Variants in ARL10 observed in about 807,000 individuals in gnomAD.
ARL10 encodes ARF like GTPase 10, also known as ADP-ribosylation factor-like protein 10.
Under a neutral mutation model 26.1 loss-of-function variants are expected in ARL10, and 23 were observed. The observed-to-expected ratio is 0.88, with a 90% CI of 0.63 to 1.25. The LOEUF (loss-of-function observed/expected upper bound fraction) is 1.25. Ranked by LOEUF, ARL10 falls within the 50% of genes most tolerant of loss-of-function variation. The pLI is 0.00. For missense variants in ARL10, 300 were observed against 323.6 expected (o/e 0.93, Z 0.56); for synonymous variants, 138 against 149.1 (o/e 0.93, Z 0.54).
Position 176,377,755 on chromosome 5 carries a change from G to A in ARL10, c.*5860G>A, listed in dbSNP as rs572594681. 2.0e-5 allele frequency: 3 copies of A among 152,224 alleles called. No homozygotes were observed. In the South Asian group the frequency reaches 6.2e-4, roughly 32 times the overall value. 9.4% of individuals were successfully genotyped at this position (152,224 alleles called of 1,614,324 possible). ...TCATCTTGCTCATTTGTGAGGTGCAGAGGTTGTTTTTTGTTTTTTTGTTTT... is the reference window on the plus strand; with the variant it reads ...TCATCTTGCTCATTTGTGAGGTGCAAAGGTTGTTTTTTGTTTTTTTGTTTT... On this transcript the variant is annotated 3_prime_UTR_variant, in exon 4 of 4. Coordinates refer to ENST00000310389, the MANE Select transcript of ARL10 (RefSeq NM_173664.6). The surrounding 1 kb of genome is among the most constrained non-coding windows in gnomAD (Gnocchi z 4.5).
At chr5:176,413,898 C>T in the ARL10 span, among the ~76,000 whole-genome samples, 1 of 152,188 alleles carries the variant, frequency 6.6e-6, no homozygotes, top group Non-Finnish European at 1.5e-5. Flanking sequence ...AAGGCTGTAT[C>T]CCCGGCACCT....
chr5:176,381,377 TTGC>T lies in ARL10; in HGVS notation c.*9485_*9487del, dbSNP rs1228967026. On this transcript the variant is annotated 3_prime_UTR_variant, in exon 4 of 4. Transcript: ENST00000310389. Reference sequence around the variant, plus strand: ...CATGGTCACTCAGTGCTCCTGGAGGTTGCTGAAGTTATACTTTGGATCCTACTT... The same window carrying T: ...CATGGTCACTCAGTGCTCCTGGAGGTTGAAGTTATACTTTGGATCCTACTT... 1 of 152,132 alleles carries T rather than the reference TTGC, an allele frequency of 6.6e-6. No individual in the cohort carries two copies. Among genetic ancestry groups the T allele is most frequent in the African/African-American group, 2.4e-5 (1 of 41,428 alleles). The allele number at this position is 152,132 out of a possible 1,614,324, so 9.4% of individuals were successfully genotyped here. A position where few individuals can be genotyped will look rare whatever the true frequency, so the allele number is the denominator to read the frequency against.
rs759887200 is a variant in ARL10, at chr5:176,376,158, G to C, written c.*4263G>C. ...GGACGGATCACGAGGTCAGGAGATC[G>C]AGACAATCCTGGCTAACACAGTGAA... On this transcript the variant is annotated 3_prime_UTR_variant, in exon 4 of 4. Transcript: ENST00000310389. 1 of 152,126 alleles carries C rather than the reference G, an allele frequency of 6.6e-6. No individual in the cohort carries two copies. Among genetic ancestry groups the C allele is most frequent in the Admixed American group, 6.6e-5 (1 of 15,260 alleles). 9.4% of individuals were successfully genotyped at this position (152,126 alleles called of 1,614,324 possible). A position where few individuals can be genotyped will look rare whatever the true frequency, so the allele number is the denominator to read the frequency against.
rs952963060 is a variant in ARL10, at chr5:176,387,016, G to T, written c.37-1279G>T. ...CTAACCCATAAGAATCCCTGCCCAC[G>T]GTTAGGTAGAAGTAGGTAACAATGA... On this transcript the variant is annotated intron_variant, in intron 1 of 1. Coordinates refer to the ARL10 transcript ENST00000503175. 10 of 937,370 alleles carry T rather than the reference G, an allele frequency of 1.1e-5. No homozygotes were observed. The African/African-American group carries it at 1.3e-4, about 12-fold the overall frequency. The allele number at this position is 937,370 out of a possible 1,614,324, so 58.1% of individuals were successfully genotyped here.
At chr5:176,392,971 T>C, downstream of ARL10, 1 of 1,613,748 alleles carries the variant, frequency 6.2e-7, no homozygotes, top group East Asian at 2.2e-5. The surrounding 1 kb of genome is among the most constrained non-coding windows in gnomAD (Gnocchi z 5.2). Flanking sequence ...GGACGGGCTT[T>C]TATAGCAGTC....
chr5:176,376,959 C>T lies in ARL10; in HGVS notation c.*5064C>T, dbSNP rs1186403372. The T allele has an allele frequency of 6.6e-6, 1 of 152,184 alleles. No individual in the cohort carries two copies. The highest frequency in any genetic ancestry group is 1.5e-5 in the Non-Finnish European group (1 of 68,036). 9.4% of individuals were successfully genotyped at this position (152,184 alleles called of 1,614,324 possible). A position where few individuals can be genotyped will look rare whatever the true frequency, so the allele number is the denominator to read the frequency against. ...AAGGCTTTGATGGTCCTCTGTGGGTCACAGAAAGTTTATTTTATTTTGTCA... is the reference window on the plus strand; with the variant it reads ...AAGGCTTTGATGGTCCTCTGTGGGTTACAGAAAGTTTATTTTATTTTGTCA... On this transcript the variant is annotated 3_prime_UTR_variant, in exon 4 of 4. Coordinates refer to ENST00000310389, the MANE Select transcript of ARL10 (RefSeq NM_173664.6).
intron 1 of ARL10, chr5:176,397,752 C>A: frequency 6.3e-7 from 1 of 1,596,508 alleles, no homozygotes; most frequent in East Asian, 2.2e-5. Flanking sequence ...TGGCTGCTTT[C>A]CAGCTGGGAT....
chr5:176,368,628 C>T lies in ARL10; in HGVS notation c.386-179C>T, dbSNP rs769950478. On this transcript the variant is annotated intron_variant, in intron 2 of 3. Coordinates refer to ENST00000310389, the MANE Select transcript of ARL10 (RefSeq NM_173664.6). The surrounding 1 kb of genome is among the most constrained non-coding windows in gnomAD (Gnocchi z 4.1). ...GAAACTGCGGTCTTTTCCTTGCCCC[C>T]GGCTGGTGGAAGCTCACTAAGCTAG... is the stretch of plus-strand genomic sequence containing the variant. Among the ~76,000 whole-genome samples the T allele has an allele frequency of 1.8e-4, 27 of 151,538 alleles. No homozygotes were observed. The highest frequency in any genetic ancestry group is 4.6e-4 in the African/African-American group (19 of 41,252).
downstream of ARL10, chr5:176,389,571 G>A: frequency 2.0e-6 from 3 of 1,473,902 alleles, no homozygotes; most frequent in South Asian, 2.6e-5. Context: ...CCCTACCGTG[G>A]GACTTACTCC....
At chr5:176,401,677 G>A (rs184713619) in intron 1 of ARL10, 289 of 454,040 alleles carry the variant, frequency 6.4e-4, no homozygotes, top group Non-Finnish European at 1.1e-3. Context: ...TCACTCACTC[G>A]CTCGCCTTGT....
At chr5:176,400,657 TTGTCTCCTGGCGCTTC>T (rs1756772997) in intron 1 of ARL10, among the ~76,000 whole-genome samples, 1 of 152,170 alleles carries the variant, frequency 6.6e-6, no homozygotes, top group Admixed American at 6.5e-5. Context: ...TACCCGGCCT[TTGTCTCCTGGCGCTTC>T]TGTCTCCCCT....
downstream of ARL10, chr5:176,406,215 C>G (rs376642025): frequency 2.7e-3 from 2,744 of 1,000,876 alleles, 10 homozygotes; most frequent in Middle Eastern, 8.6e-3. Context: ...CAGGAGAGAT[C>G]ACCAGCGGCT....
exon 2 of ARL10, chr5:176,388,545 T>G (rs1165596422): frequency 1.4e-5 from 23 of 1,606,646 alleles, no homozygotes; most frequent in Admixed American, 1.7e-5. Context: ...GGCATCGCGC[T>G]GACCACCGCA....
intron 1 of ARL10, chr5:176,397,876 A>ACTCC (rs1756623747): frequency 6.6e-7 from 1 of 1,521,456 alleles, no homozygotes; most frequent in Admixed American, 1.7e-5. Flanking sequence ...GACTCCCCAC[A>ACTCC]CTCCACCCCA....
At chr5:176,398,032 C>T in intron 1 of ARL10, 1 of 1,614,004 alleles carries the variant, frequency 6.2e-7, no homozygotes, top group South Asian at 1.1e-5. Context: ...TAGCCATCAG[C>T]AGGACCGTTG....
the ARL10 span, among the ~76,000 whole-genome samples, chr5:176,408,719 C>T: frequency 6.6e-6 from 1 of 152,204 alleles, no homozygotes; most frequent in Non-Finnish European, 1.5e-5. Context: ...TGGGGTCTTA[C>T]TATGTTGCCC....
chr5:176,396,486 C>T (rs377645084), intron 1 of ARL10: 13 of 1,613,656 alleles, frequency 8.1e-6, no homozygotes, highest in East Asian at 4.5e-5. Flanking sequence ...TACACGTAGC[C>T]GATGATATCA....
chr5:176,372,942 G>A lies in ARL10; in HGVS notation c.*1047G>A, dbSNP rs1279841837. On this transcript the variant is annotated 3_prime_UTR_variant, in exon 4 of 4. Coordinates refer to ENST00000310389, the MANE Select transcript of ARL10 (RefSeq NM_173664.6). Reference sequence around the variant, plus strand: ...AATGACAATGAGATAACATACAGATGTCAGTGGAGACAAAGTTGTGGGTTC... The same window carrying A: ...AATGACAATGAGATAACATACAGATATCAGTGGAGACAAAGTTGTGGGTTC... 5 of 398,520 alleles carry A rather than the reference G, an allele frequency of 1.3e-5. No homozygotes were observed. Among genetic ancestry groups the A allele is most frequent in the Non-Finnish European group, 2.2e-5 (5 of 226,084 alleles). The allele number at this position is 398,520 out of a possible 1,614,324, so 24.7% of individuals were successfully genotyped here.
At chr5:176,397,972 G>A (rs777822872) in intron 1 of ARL10, 19 of 1,613,920 alleles carry the variant, frequency 1.2e-5, no homozygotes, top group African/African-American at 2.7e-5. Context: ...CGCCACTTGC[G>A]GATGCTCTCA....
Sources: gnomAD v4.1 joint callset for allele counts (sites outside exome capture counted in the v4.1 genomes callset) on GRCh38, gnomAD v4.1.1 for gene constraint, Gnocchi (gnomAD v3.1) non-coding constraint, MANE v1.5 for transcripts, NCBI Gene and HGNC (gene_info 2026-07-23, HGNC 2026-07-21) for gene names.